ARHGEF1: variants seen among roughly 807,000 people sequenced by gnomAD.
ARHGEF1 encodes Rho guanine nucleotide exchange factor 1.
A neutral mutation model predicts 119.7 loss-of-function variants in ARHGEF1; 40 were observed. The ratio of observed to expected loss-of-function variants is 0.33; its 90% CI spans 0.26 to 0.44. The LOEUF (loss-of-function observed/expected upper bound fraction) is 0.44. ARHGEF1 is among the 20% of genes least tolerant of loss of function. The pLI, the probability that ARHGEF1 is intolerant of heterozygous loss-of-function variation, is 1.00. For missense variants in ARHGEF1, 976 were observed against 1,268.3 expected (o/e 0.77, Z 3.50); for synonymous variants, 494 against 521.0 (o/e 0.95, Z 0.71).
chr19:41,888,100 A>AGGGGC lies in ARHGEF1; in HGVS notation c.21_24+1dup. 1.2e-6 allele frequency: 2 copies of AGGGGC among 1,613,680 alleles called. No individual in the cohort carries two copies. Among genetic ancestry groups the AGGGGC allele is most frequent in the Non-Finnish European group, 1.7e-6 (2 of 1,179,950 alleles). ...CCAGGGAGATGGAAGACTTCGCCCG[A>AGGGGC]GGGGCGGTGAGTGGACAGAGCAAGG... On this transcript the variant is annotated frameshift_variant, in exon 2 of 29. Transcript: ENST00000354532. LOFTEE classifies it high-confidence loss of function. The surrounding 1 kb of genome is among the most constrained non-coding windows in gnomAD (Gnocchi z 5.1).
At position 41,892,071 on chromosome 19, in the gene ARHGEF1, A is replaced by T; in HGVS notation, c.272A>T (p.Glu91Val). The T allele has an allele frequency of 1.2e-6, 2 of 1,613,094 alleles. No homozygotes were observed. Among genetic ancestry groups the T allele is most frequent in the Non-Finnish European group, 1.7e-6 (2 of 1,179,352 alleles). The change falls in exon 5 of 29, where the codon GAG becomes GTG. Residue 91 changes from glutamate to valine, a missense_variant. Coordinates refer to ENST00000354532, the MANE Select transcript of ARHGEF1 (RefSeq NM_004706.4). This position sits in a 1 kb window ranked among gnomAD's most constrained non-coding sequence, Gnocchi z 6.3. ...ADMLGSLGPK[E>V]AKKAFLDFYH... ...ATGCTGGGCTCACTGGGCCCCAAGGAGGCCAAGAAGGCCTTCCTGGACTTC... is the reference window on the plus strand; with the variant it reads ...ATGCTGGGCTCACTGGGCCCCAAGGTGGCCAAGAAGGCCTTCCTGGACTTC...
rs782749608 is a variant in ARHGEF1, at chr19:41,896,444, G to C, written c.1083G>C (p.Ala361=). ...PQGPMSLESL[A]PPESTDEGAE... Reference sequence around the variant, plus strand: ...GCCCAATGAGCCTGGAGTCCTTGGCGCCCCCAGAGAGTACCGACGAGGGGG... The same window carrying C: ...GCCCAATGAGCCTGGAGTCCTTGGCCCCCCCAGAGAGTACCGACGAGGGGG... The change falls in exon 13 of 29, where the codon GCG becomes GCC. Residue 361 remains alanine (A), a synonymous_variant. Coordinates refer to ENST00000354532, the MANE Select transcript of ARHGEF1 (RefSeq NM_004706.4). 1.4e-6 allele frequency: 2 copies of C among 1,478,318 alleles called. No homozygotes were observed. Among genetic ancestry groups the C allele is most frequent in the Non-Finnish European group, 1.8e-6 (2 of 1,115,530 alleles). 91.6% of individuals were successfully genotyped at this position (1,478,318 alleles called of 1,614,324 possible). A position where few individuals can be genotyped will look rare whatever the true frequency, so the allele number is the denominator to read the frequency against.
downstream of ARHGEF1, chr19:41,909,955 G>A: frequency 6.2e-7 from 1 of 1,613,878 alleles, no homozygotes; most frequent in Non-Finnish European, 8.5e-7. The surrounding 1 kb of genome is among the most constrained non-coding windows in gnomAD (Gnocchi z 5.2). Flanking sequence ...CTTTGATGAC[G>A]AATTCCCCGT....
downstream of ARHGEF1, chr19:41,909,439 G>A (rs2145880614): frequency 2.4e-6 from 3 of 1,238,674 alleles, no homozygotes; most frequent in Middle Eastern, 2.1e-4. The surrounding 1 kb of genome is among the most constrained non-coding windows in gnomAD (Gnocchi z 5.2). Flanking sequence ...CTTCCCTTTG[G>A]TCTTGTGGAG....
At chr19:41,897,260 G>A in intron 13 of ARHGEF1, 1 of 1,280,454 alleles carries the variant, frequency 7.8e-7, no homozygotes, top group Non-Finnish European at 1.0e-6. Context: ...GGTGCGGGGA[G>A]GTGGGTCAGG....
intron 18 of ARHGEF1, among the ~76,000 whole-genome samples, chr19:41,912,479 G>A (rs1207421796): frequency 1.3e-5 from 2 of 152,178 alleles, no homozygotes; most frequent in East Asian, 1.9e-4. Context: ...CTGTCCATCC[G>A]TGCCTGGCCT....
In ARHGEF1 at chr19:41,907,184, AC is replaced by A. The variant is rs1555850474; in HGVS notation, c.*101del. Reference sequence around the variant, plus strand: ...CCACACAGCTGCCGCAGCATCTCACACCCCGAGGGCCTGAGGAGAGGGAGCT... The same window carrying A: ...CCACACAGCTGCCGCAGCATCTCACACCCGAGGGCCTGAGGAGAGGGAGCT... On this transcript the variant is annotated 3_prime_UTR_variant, in exon 29 of 29. Transcript: ENST00000354532. The A allele has an allele frequency of 9.8e-6, 15 of 1,524,352 alleles. No individual in the cohort carries two copies. In the Middle Eastern group the frequency reaches 1.0e-3, roughly 103 times the overall value. The allele number at this position is 1,524,352 out of a possible 1,614,324, so 94.4% of individuals were successfully genotyped here.
At chr19:41,897,833 T>C (rs2074537938) in intron 13 of ARHGEF1, 2 of 1,133,302 alleles carry the variant, frequency 1.8e-6, no homozygotes, top group African/African-American at 1.6e-5. Context: ...TGCCCTGGTC[T>C]CTCCCCGTCT....
At chr19:41,923,610 T>G (rs1599680681) in intron 1 of ARHGEF1, among the ~76,000 whole-genome samples, 2 of 117,182 alleles carry the variant, frequency 1.7e-5, no homozygotes, top group Admixed American at 1.0e-4. Flanking sequence ...AGAAAGGAAA[T>G]GAAAGTGAGG....
chr19:41,926,966 G>GAGATGCCGAGAAAGGAAGAGAGAGAGAT (rs1240437213), intron 1 of ARHGEF1, among the ~76,000 whole-genome samples: 1 of 152,076 alleles, frequency 6.6e-6, no homozygotes, highest in Non-Finnish European at 1.5e-5. Flanking sequence ...GAGATAGAAA[G>GAGATGCCGAGAAAGGAAGAGAGAGAGAT]AGATGCCGAG....
rs1555844690 is a variant in ARHGEF1, at chr19:41,883,267, G to C, written c.-42G>C. ...CGAGCCCGACCTCGGGCGCCCCGCC[G>C]GTCACCTCCGCGCGGACACCAGGTA... On this transcript the variant is annotated 5_prime_UTR_variant, in exon 1 of 29. Transcript: ENST00000354532. The surrounding 1 kb of genome is among the most constrained non-coding windows in gnomAD (Gnocchi z 7.6). The C allele has an allele frequency of 5.0e-6, 1 of 199,380 alleles. No homozygotes were observed. The highest frequency in any genetic ancestry group is 1.1e-5 in the Non-Finnish European group (1 of 88,674). 12.4% of individuals were successfully genotyped at this position (199,380 alleles called of 1,614,324 possible).
Position 41,906,851 on chromosome 19 carries a change from C to T in ARHGEF1, c.*17+48C>T. On this transcript the variant is annotated intron_variant, in intron 28 of 28. Coordinates refer to ENST00000354532, the MANE Select transcript of ARHGEF1 (RefSeq NM_004706.4). The surrounding 1 kb of genome is among the most constrained non-coding windows in gnomAD (Gnocchi z 4.5). ...AGGGCGCTGTCCTGAAAGGAGGGTC[C>T]CCCTCCAGAGCTCGCATCCCTACAG... 6.9e-7 allele frequency: 1 copy of T among 1,448,998 alleles called. No homozygotes were observed. The allele number at this position is 1,448,998 out of a possible 1,614,324, so 89.8% of individuals were successfully genotyped here.
rs563950113 is a variant in ARHGEF1, at chr19:41,892,904, G to A, written c.614+55G>A. 51 of 1,444,746 alleles carry A rather than the reference G, an allele frequency of 3.5e-5. No individual in the cohort carries two copies. In the South Asian group the frequency reaches 6.1e-4, roughly 17 times the overall value. 89.5% of individuals were successfully genotyped at this position (1,444,746 alleles called of 1,614,324 possible). On this transcript the variant is annotated intron_variant, in intron 7 of 28. Transcript: ENST00000354532. The surrounding 1 kb of genome is among the most constrained non-coding windows in gnomAD (Gnocchi z 6.3). ...GCCCCTCCCCAGCACAAGGGCACCC[G>A]TGCTACCTCTGGCATGTTCCATCCC...
chr19:41,902,444 C>T lies in ARHGEF1; in HGVS notation c.1497+88C>T, dbSNP rs184520789. On this transcript the variant is annotated intron_variant, in intron 16 of 28. Coordinates refer to ENST00000354532, the MANE Select transcript of ARHGEF1 (RefSeq NM_004706.4). This position sits in a 1 kb window ranked among gnomAD's most constrained non-coding sequence, Gnocchi z 6.5. ...TCCTGAGCCCACCCTACTCCAGTCC[C>T]AGGGTCTGGGCTTCCAGCCTGTCGT... 179 of 1,611,308 alleles carry T rather than the reference C, an allele frequency of 1.1e-4. 2 individuals carry two copies. In the African/African-American group the frequency reaches 2.1e-3, roughly 19 times the overall value.
chr19:41,909,246 C>T (rs556162739), downstream of ARHGEF1: 5 of 1,231,934 alleles, frequency 4.1e-6, no homozygotes, highest in Admixed American at 4.2e-5. This position sits in a 1 kb window ranked among gnomAD's most constrained non-coding sequence, Gnocchi z 5.2. Context: ...CCAAGTGCCT[C>T]GGTTCCAGGA....
chr19:41,901,634 G>T (rs1352440049), intron 14 of ARHGEF1, among the ~76,000 whole-genome samples: 1 of 152,116 alleles, frequency 6.6e-6, no homozygotes, highest in Non-Finnish European at 1.5e-5. Context: ...TAAATTTTTG[G>T]TAGAAACAGG....
chr19:41,926,218 A>C (rs2074869673), intron 1 of ARHGEF1, among the ~76,000 whole-genome samples: 1 of 151,422 alleles, frequency 6.6e-6, no homozygotes, highest in African/African-American at 2.4e-5. Context: ...GAGGGGACGT[A>C]TGCTCCCCGA....
exon 1 of ARHGEF1, chr19:41,923,154 T>A (rs782289361): frequency 6.6e-6 from 3 of 456,472 alleles, no homozygotes; most frequent in South Asian, 3.1e-5. Context: ...ATTTCACAGA[T>A]GTGGAAACTG....
At chr19:41,920,232 G>A (rs782450236), upstream of ARHGEF1, among the ~76,000 whole-genome samples, 14 of 103,100 alleles carry the variant, frequency 1.4e-4, no homozygotes, top group African/African-American at 5.3e-4. Context: ...ACACTCAGAC[G>A]TGACGTGCTC....
Sources: gnomAD v4.1 joint callset for allele counts (sites outside exome capture counted in the v4.1 genomes callset) on GRCh38, gnomAD v4.1.1 for gene constraint, Gnocchi (gnomAD v3.1) non-coding constraint, MANE v1.5 for transcripts, NCBI Gene and HGNC (gene_info 2026-07-23, HGNC 2026-07-21) for gene names.